The following ZBBX variants were observed in gnomAD, a reference collection of about 807,000 sequenced individuals.
ZBBX encodes the protein zinc finger B-box domain-containing protein 1.
Under a neutral mutation model 108.5 loss-of-function variants are expected in ZBBX, and 101 were observed. The ratio of observed to expected loss-of-function variants is 0.93; its 90% CI spans 0.79 to 1.10. The LOEUF (loss-of-function observed/expected upper bound fraction) is 1.10. Among genes scored for constraint, ZBBX ranks in the 50% least tolerant of loss-of-function variants. The pLI, the probability that ZBBX is intolerant of heterozygous loss-of-function variation, is 0.00. For missense variants in ZBBX, 1,009 were observed against 941.4 expected, an observed-to-expected ratio of 1.07 and a Z score of -0.94; for synonymous variants, 356 against 323.4, an observed-to-expected ratio of 1.10 and a Z score of -1.08.
At chr3:167,281,881 A>G (rs1333951043) in intron 20 of ZBBX, among the ~76,000 whole-genome samples, 1 of 152,232 alleles carries the variant, frequency 6.6e-6, no homozygotes, top group Admixed American at 6.5e-5. Flanking sequence ...CAATTTTCCA[A>G]TAAGGATATT....
chr3:167,323,979 T>A (rs1736922891), intron 11 of ZBBX, among the ~76,000 whole-genome samples: 1 of 152,010 alleles, frequency 6.6e-6, no homozygotes, highest in Non-Finnish European at 1.5e-5. Flanking sequence ...CAGAAATAAC[T>A]AGAAAACTAG....
intron 21 of ZBBX, 56 bp from the exon 22 acceptor site, chr3:167,240,975 C>A: frequency 6.3e-7 from 1 of 1,585,662 alleles, no homozygotes. Context: ...TTCAACTCTT[C>A]ATTTATCTTC....
chr3:167,288,800 TA>T (rs1730161728), intron 19 of ZBBX, 66 bp downstream of exon 19: 5 of 1,114,888 alleles, frequency 4.5e-6, no homozygotes, highest in East Asian at 5.7e-5. Context: ...ACTAAACTGC[TA>T]AAAAAGCAAA....
At position 167,317,234 on chromosome 3, in the gene ZBBX, A is replaced by G. The variant is rs145475578; in HGVS notation, c.1094-129T>C. The G allele has an allele frequency of 1.4e-3, 942 of 674,488 alleles. 10 individuals carry two copies. In the African/African-American group the frequency reaches 0.016, roughly 11 times the overall value. The allele number at this position is 674,488 out of a possible 1,614,324, so 41.8% of individuals were successfully genotyped here. On this transcript the variant is annotated intron_variant, in intron 13 of 21. Coordinates refer to ENST00000675490, the MANE Select transcript of ZBBX (RefSeq NM_001199201.2). ...TCTACACAAAAATACAAATACTGTC[A>G]ATTTTCCCAGTTCAAGTGAAATACA...
chr3:167,258,068 G>T (rs1354331892), intron 20 of ZBBX, among the ~76,000 whole-genome samples: 2 of 151,972 alleles, frequency 1.3e-5, no homozygotes, highest in East Asian at 3.9e-4. Context: ...GTCATGAAAT[G>T]CTTGCCTAAG....
chr3:167,297,203 A>AT (rs1409684875), intron 18 of ZBBX, among the ~76,000 whole-genome samples: 2 of 151,934 alleles, frequency 1.3e-5, no homozygotes, highest in Non-Finnish European at 2.9e-5. Context: ...CTCACCAATC[A>AT]TTTTTTTGTG....
intron 20 of ZBBX, among the ~76,000 whole-genome samples, chr3:167,275,750 A>G (rs945509746): frequency 1.3e-5 from 2 of 152,332 alleles, no homozygotes; most frequent in Non-Finnish European, 2.9e-5. Flanking sequence ...AAAGCAGCCC[A>G]GAAGCTCGAA....
At chr3:167,364,330 C>T (rs1350306232) in intron 6 of ZBBX, among the ~76,000 whole-genome samples, 2 of 152,002 alleles carry the variant, frequency 1.3e-5, no homozygotes, top group Non-Finnish European at 2.9e-5. Flanking sequence ...AATAGATACT[C>T]AAAACTTTTT....
At position 167,350,654 on chromosome 3, in the gene ZBBX, T is replaced by G. The variant is rs977780219; in HGVS notation, c.433-139A>C. The G allele has an allele frequency of 6.5e-4, 315 of 484,672 alleles. 1 individual carries two copies. In the Middle Eastern group the frequency reaches 0.019, roughly 30 times the overall value. 30.0% of individuals were successfully genotyped at this position (484,672 alleles called of 1,614,324 possible). A position where few individuals can be genotyped will look rare whatever the true frequency, so the allele number is the denominator to read the frequency against. ...TATATCATCAGAATTGAGAAGCCTG[T>G]CCCAGGCTTCTCAACTAGTCCCTTA... On this transcript the variant is annotated intron_variant, in intron 8 of 21. Coordinates refer to ENST00000675490, the MANE Select transcript of ZBBX (RefSeq NM_001199201.2).
chr3:167,235,355 T>C (rs1448022114), downstream of ZBBX, among the ~76,000 whole-genome samples: 2 of 151,566 alleles, frequency 1.3e-5, no homozygotes, highest in Non-Finnish European at 3.0e-5. Flanking sequence ...AATTTGACTA[T>C]GTAAAAAAAT....
intron 1 of ZBBX, among the ~76,000 whole-genome samples, chr3:167,387,104 T>C (rs1450920579): frequency 6.6e-6 from 1 of 152,072 alleles, no homozygotes; most frequent in Non-Finnish European, 1.5e-5. Context: ...ATTACCCATG[T>C]ACCCATTTTC....
At chr3:167,376,761 A>G (rs1347855124) in intron 2 of ZBBX, among the ~76,000 whole-genome samples, 3 of 152,180 alleles carry the variant, frequency 2.0e-5, no homozygotes, top group Non-Finnish European at 4.4e-5. Context: ...TCTCAATTAC[A>G]TATTTTATCT....
At chr3:167,195,728 T>A in the ZBBX span, among the ~76,000 whole-genome samples, 2 of 152,210 alleles carry the variant, frequency 1.3e-5, no homozygotes, top group African/African-American at 4.8e-5. Flanking sequence ...TTTAAATGCA[T>A]CAAATCTGAC....
At chr3:167,204,603 G>A in the ZBBX span, among the ~76,000 whole-genome samples, 1 of 149,154 alleles carries the variant, frequency 6.7e-6, no homozygotes, top group Non-Finnish European at 1.5e-5. Flanking sequence ...AGTATTCCAT[G>A]GTGTATATGT....
chr3:167,288,761 G>C (rs1206231976), intron 19 of ZBBX, 106 bp downstream of exon 19: 1 of 524,708 alleles, frequency 1.9e-6, no homozygotes, highest in African/African-American at 1.9e-5. Context: ...TTAAATTACA[G>C]AACTTCAAAA....
At chr3:167,366,417 C>G (rs1366451428) in intron 5 of ZBBX, among the ~76,000 whole-genome samples, 1 of 151,696 alleles carries the variant, frequency 6.6e-6, no homozygotes, top group Admixed American at 6.6e-5. Context: ...AATGATCTCC[C>G]ACATTGAAAC....
intron 20 of ZBBX, among the ~76,000 whole-genome samples, chr3:167,255,683 A>T (rs1349982101): frequency 2.6e-5 from 4 of 152,010 alleles, no homozygotes; most frequent in African/African-American, 7.2e-5. Flanking sequence ...TGTGAGTACA[A>T]AGTAGGTATA....
At chr3:167,253,807 G>A (rs1723013035) in intron 20 of ZBBX, among the ~76,000 whole-genome samples, 1 of 152,058 alleles carries the variant, frequency 6.6e-6, no homozygotes, top group African/African-American at 2.4e-5. Context: ...AGTATCTTTA[G>A]CATGTAACGG....
chr3:167,293,001 A>C (rs1730976497), intron 18 of ZBBX, among the ~76,000 whole-genome samples: 3 of 152,232 alleles, frequency 2.0e-5, no homozygotes, highest in Admixed American at 2.0e-4. Context: ...TTAAACCAGG[A>C]AGAAGTTGAA....
Sources: gnomAD v4.1 joint callset for allele counts (sites outside exome capture counted in the v4.1 genomes callset) on GRCh38, gnomAD v4.1.1 for gene constraint, MANE v1.5 for transcripts, NCBI Gene and HGNC (gene_info 2026-07-23, HGNC 2026-07-21) for gene names.